Variants in UBE3A observed in about 807,000 individuals in gnomAD.
UBE3A encodes ubiquitin protein ligase E3A, also known as ubiquitin-protein ligase E3A.
Under a neutral mutation model 83.4 loss-of-function variants are expected in UBE3A, and 6 were observed. The ratio of observed to expected loss-of-function variants is 0.07; its 90% CI spans 0.04 to 0.14. The LOEUF is 0.14. UBE3A is among the 10% of genes least tolerant of loss of function. The pLI is 1.00. For synonymous variants in UBE3A, 337 were observed against 355.4 expected (o/e 0.95, Z 0.58); for missense variants, 456 against 1,036.1 (o/e 0.44, Z 7.69).
chr15:25,380,240 C>CTT (rs376054951), intron 4 of UBE3A, among the ~76,000 whole-genome samples: 1 of 149,406 alleles, frequency 6.7e-6, no homozygotes, highest in African/African-American at 2.5e-5. Flanking sequence ...AATTAAACTT[C>CTT]TTTTTTTTTT....
chr15:25,405,417 G>A (rs774940541), intron 4 of UBE3A, 44 bp downstream of exon 4: 1 of 1,601,310 alleles, frequency 6.2e-7, no homozygotes, highest in Admixed American at 1.7e-5. Context: ...GCAGTCTAGG[G>A]CAACTCAAAA....
At chr15:25,376,928 C>T (rs1335914839) in intron 4 of UBE3A, among the ~76,000 whole-genome samples, 1 of 152,146 alleles carries the variant, frequency 6.6e-6, no homozygotes, top group African/African-American at 2.4e-5. Flanking sequence ...ACTAAAGAGT[C>T]TATGCTTCTA....
At chr15:25,430,882 AAG>A (rs1315763425) in intron 1 of UBE3A, among the ~76,000 whole-genome samples, 1 of 152,136 alleles carries the variant, frequency 6.6e-6, no homozygotes, top group African/African-American at 2.4e-5. Flanking sequence ...TTCAGCCTAA[AAG>A]AGGGAATAAG....
intron 11 of UBE3A, among the ~76,000 whole-genome samples, chr15:25,352,334 C>T (rs1283372056): frequency 1.3e-5 from 2 of 151,984 alleles, no homozygotes; most frequent in Non-Finnish European, 2.9e-5. Flanking sequence ...AAATACCAAC[C>T]AAAATATCTA....
intron 4 of UBE3A, among the ~76,000 whole-genome samples, chr15:25,384,727 C>A (rs946446260): frequency 1.3e-5 from 2 of 151,928 alleles, no homozygotes; most frequent in Admixed American, 6.6e-5. Flanking sequence ...GGACAAAAAA[C>A]AAAGCTAGAG....
At chr15:25,413,979 T>C (rs1379584615) in intron 1 of UBE3A, among the ~76,000 whole-genome samples, 1 of 152,158 alleles carries the variant, frequency 6.6e-6, no homozygotes, top group African/African-American at 2.4e-5. Flanking sequence ...TTTCTTAACC[T>C]AAACCAATTT....
chr15:25,403,882 G>T (rs2087789422), intron 4 of UBE3A, among the ~76,000 whole-genome samples: 1 of 152,128 alleles, frequency 6.6e-6, no homozygotes, highest in Admixed American at 6.6e-5. Context: ...GCACTTATAG[G>T]GGGTACTTAG....
rs547742138 is a variant in UBE3A at position 25,371,885 on chromosome 15, A to G, written c.362-73T>C. The G allele has an allele frequency of 1.4e-6, 2 of 1,449,890 alleles. No individual in the cohort carries two copies. Among genetic ancestry groups the G allele is most frequent in the East Asian group, 4.8e-5 (2 of 42,002 alleles). The allele number at this position is 1,449,890 out of a possible 1,614,324, so 89.8% of individuals were successfully genotyped here. ...TGTTTACTCTGTTGCAAAAAGTTCTAAAAGTAAAACAGCCAAACATTCTAG... is the reference window on the plus strand; with the variant it reads ...TGTTTACTCTGTTGCAAAAAGTTCTGAAAGTAAAACAGCCAAACATTCTAG... On this transcript the variant is annotated intron_variant, in intron 5 of 12. Coordinates refer to ENST00000648336, the MANE Select transcript of UBE3A (RefSeq NM_130839.5). The surrounding 1 kb of genome is among the most constrained non-coding windows in gnomAD (Gnocchi z 5.3).
At chr15:25,349,389 G>A (rs2076177050) in intron 11 of UBE3A, among the ~76,000 whole-genome samples, 1 of 151,992 alleles carries the variant, frequency 6.6e-6, no homozygotes, top group Non-Finnish European at 1.5e-5. Context: ...AACCATAAAA[G>A]AAAAAATAAA....
chr15:25,363,897 A>C (rs899051581), intron 6 of UBE3A, among the ~76,000 whole-genome samples: 27 of 152,196 alleles, frequency 1.8e-4, no homozygotes, highest in African/African-American at 6.5e-4. Flanking sequence ...ATACTGTACC[A>C]CTTAAGAATA....
Position 25,375,533 on chromosome 15 carries a change from T to C in UBE3A, c.293A>G (p.Lys98Arg). The change falls in exon 5 of 13, where the codon AAA (lysine) becomes AGA (arginine). Residue 98 changes from lysine to arginine, a missense_variant. This residue lies in a region of UBE3A where 36 missense variants were observed against 28.5 expected (regional missense o/e 1.26). Transcript: ENST00000648336. Reference sequence around the variant, plus strand: ...AGAGCAGGAGTTGTTGGGGGCACCTTTCGAGTTCTCAAGGTAAGCTGAGCT... The same window carrying C: ...AGAGCAGGAGTTGTTGGGGGCACCTCTCGAGTTCTCAAGGTAAGCTGAGCT... ...GASSAYLENS[K>R]GAPNNSCSEI... 1 of 1,614,166 alleles carries C rather than the reference T, an allele frequency of 6.2e-7. No individual in the cohort carries two copies. The highest frequency in any genetic ancestry group is 8.5e-7 in the Non-Finnish European group (1 of 1,180,028).
rs934672873 is a variant in UBE3A at position 25,337,597 on chromosome 15, C to T, written c.*1540G>A. The T allele has an allele frequency of 6.6e-6, 1 of 151,928 alleles. No homozygotes were observed. Among genetic ancestry groups the T allele is most frequent in the African/African-American group, 2.4e-5 (1 of 41,372 alleles). The allele number at this position is 151,928 out of a possible 1,614,324, so 9.4% of individuals were successfully genotyped here. On this transcript the variant is annotated 3_prime_UTR_variant, in exon 13 of 13. Coordinates refer to ENST00000648336, the MANE Select transcript of UBE3A (RefSeq NM_130839.5). The stretch of plus-strand genomic sequence containing the variant: ...AATCCTGAAAGACATCCTTTTTCTC[C>T]CCCCAATGATTTGAAAGCTGCATTT...
At position 25,338,227 on chromosome 15, in the gene UBE3A, A is replaced by C. The variant is rs1017321234; in HGVS notation, c.*910T>G. ...CACTTTCACATGCTTTTTGTTTATA[A>C]TAAACAAACAACAAACTTCCTAACT... On this transcript the variant is annotated 3_prime_UTR_variant, in exon 13 of 13. Transcript: ENST00000648336. The C allele has an allele frequency of 6.6e-6, 1 of 152,154 alleles. No homozygotes were observed. The allele number at this position is 152,154 out of a possible 1,614,324, so 9.4% of individuals were successfully genotyped here. A position where few individuals can be genotyped will look rare whatever the true frequency, so the allele number is the denominator to read the frequency against.
chr15:25,412,141 T>C (rs1046247053), intron 1 of UBE3A, among the ~76,000 whole-genome samples, 170 bp from the exon 2 acceptor site: 1 of 151,796 alleles, frequency 6.6e-6, no homozygotes. Flanking sequence ...GAGGAAAGCA[T>C]AGGTAGGCAG....
At chr15:25,399,421 T>C (rs1424177309) in intron 4 of UBE3A, among the ~76,000 whole-genome samples, 4 of 152,284 alleles carry the variant, frequency 2.6e-5, no homozygotes, top group South Asian at 2.1e-4. Flanking sequence ...CTCATGCATG[T>C]AGATATTCCA....
intron 11 of UBE3A, among the ~76,000 whole-genome samples, chr15:25,350,060 G>A (rs1322279080): frequency 6.6e-6 from 1 of 152,140 alleles, no homozygotes; most frequent in Non-Finnish European, 1.5e-5. Flanking sequence ...GAGTCCAGGG[G>A]TTTGAAACCA....
rs1432077708 is a variant in UBE3A at position 25,333,987 on chromosome 15, C to T, written c.*5150G>A. On this transcript the variant is annotated 3_prime_UTR_variant, in exon 13 of 13. Transcript: ENST00000648336. The stretch of plus-strand genomic sequence containing the variant: ...AAGCAAACCCACAGCTAGCTAACAT[C>T]ATACTCAATGGTGAAAGACTGAATG... 1.3e-5 allele frequency: 2 copies of T among 151,676 alleles called. No homozygotes were observed. Among genetic ancestry groups the T allele is most frequent in the Non-Finnish European group, 2.9e-5 (2 of 67,948 alleles). The allele number at this position is 151,676 out of a possible 1,614,324, so 9.4% of individuals were successfully genotyped here.
Position 25,426,567 on chromosome 15 carries a change from T to C in UBE3A, c.-165+11922A>G, listed in dbSNP as rs990407991. Among the ~76,000 whole-genome samples, 6 of 152,212 alleles carry C rather than the reference T, an allele frequency of 3.9e-5. No homozygotes were observed. The South Asian group carries it at 6.2e-4, about 16-fold the overall frequency. On this transcript the variant is annotated intron_variant, in intron 1 of 12. Coordinates refer to ENST00000648336, the MANE Select transcript of UBE3A (RefSeq NM_130839.5). Reference sequence around the variant, plus strand: ...TTATTTTCAAGTTTAATCTGTTACATTCACCTGCCTATCAAATAAATGTAG... The same window carrying C: ...TTATTTTCAAGTTTAATCTGTTACACTCACCTGCCTATCAAATAAATGTAG...
intron 1 of UBE3A, among the ~76,000 whole-genome samples, chr15:25,430,926 T>G (rs1288030301): frequency 6.6e-6 from 1 of 152,182 alleles, no homozygotes; most frequent in African/African-American, 2.4e-5. Context: ...TATCCCATAC[T>G]GAGTTAAATA....
Sources: allele counts gnomAD v4.1 joint callset (sites outside exome capture counted in the v4.1 genomes callset), GRCh38; gene constraint gnomAD v4.1.1; regional missense constraint gnomAD v4.1.1; non-coding constraint Gnocchi (gnomAD v3.1); transcripts MANE v1.5; gene names NCBI Gene and HGNC (gene_info 2026-07-23, HGNC 2026-07-21).